Variants in AGAP1 observed in about 807,000 individuals in gnomAD.
AGAP1 encodes the protein ArfGAP with GTPase domain, ankyrin repeat and PH domain 1, also known as arf-GAP with GTPase, ANK repeat and PH domain-containing protein 1.
In AGAP1, 29 loss-of-function variants were observed where a neutral mutation model predicts 105.3. That is an observed-to-expected ratio of 0.28 (90% CI 0.21 to 0.38). The LOEUF is 0.38. AGAP1 is among the 10% of genes least tolerant of loss of function. AGAP1 has a pLI of 1.00. For missense variants in AGAP1, 998 were observed against 1,165.1 expected (o/e 0.86, Z 2.09); for synonymous variants, 509 against 485.9 (o/e 1.05, Z -0.63).
chr2:236,068,508 C>T (rs2058407570), intron 16 of AGAP1, among the ~76,000 whole-genome samples: 1 of 151,934 alleles, frequency 6.6e-6, no homozygotes, highest in Admixed American at 6.6e-5. Context: ...CTTCTCTTAA[C>T]ATTTATCCTA....
chr2:236,081,793 T>C (rs1559257063), intron 16 of AGAP1, among the ~76,000 whole-genome samples: 1 of 152,056 alleles, frequency 6.6e-6, no homozygotes, highest in Non-Finnish European at 1.5e-5. Context: ...AAAAATGTCA[T>C]TATCCAGAAA....
chr2:235,712,002 A>G lies in AGAP1; in HGVS notation c.222+2765A>G, dbSNP rs888610950. On this transcript the variant is annotated intron_variant, in intron 2 of 17. Coordinates refer to ENST00000304032, the MANE Select transcript of AGAP1 (RefSeq NM_001037131.3). This position sits in a 1 kb window ranked among gnomAD's most constrained non-coding sequence, Gnocchi z 6.0. The stretch of plus-strand genomic sequence containing the variant: ...TCGCTTTCTTCTCAAGAGTGGTAGT[A>G]CCATGCCTTATGTTTTATTTTCTTT... Among the ~76,000 whole-genome samples the G allele has an allele frequency of 6.6e-6, 1 of 152,060 alleles. No homozygotes were observed. The highest frequency in any genetic ancestry group is 1.5e-5 in the Non-Finnish European group (1 of 68,020).
chr2:235,871,188 G>T (rs1349345199), intron 9 of AGAP1, among the ~76,000 whole-genome samples: 7 of 152,320 alleles, frequency 4.6e-5, no homozygotes, highest in Admixed American at 4.6e-4. Flanking sequence ...TTACTCAAGG[G>T]TTTTCTGCTG....
intron 16 of AGAP1, among the ~76,000 whole-genome samples, chr2:236,057,551 GC>G (rs967543168): frequency 4.0e-5 from 6 of 151,264 alleles, no homozygotes; most frequent in East Asian, 1.9e-4. Context: ...CAGGGTTAGA[GC>G]CCCCCCCTCA....
chr2:235,790,590 A>G (rs747966085), intron 6 of AGAP1, among the ~76,000 whole-genome samples: 1 of 152,024 alleles, frequency 6.6e-6, no homozygotes, highest in Non-Finnish European at 1.5e-5. Context: ...ATAACCCCCC[A>G]TTGCCTTAAG....
intron 13 of AGAP1, among the ~76,000 whole-genome samples, chr2:235,986,281 G>C (rs746042331): frequency 6.6e-6 from 1 of 151,944 alleles, no homozygotes; most frequent in East Asian, 1.9e-4. Context: ...GCTTATTGTT[G>C]GTGTAAAGGA....
intron 1 of AGAP1, among the ~76,000 whole-genome samples, chr2:235,641,847 A>T (rs943247461): frequency 6.6e-6 from 1 of 152,188 alleles, no homozygotes; most frequent in African/African-American, 2.4e-5. Context: ...CACAGGTATG[A>T]CCTGATTCCA....
chr2:235,676,822 A>C (rs1401419364), intron 1 of AGAP1, among the ~76,000 whole-genome samples: 2 of 152,216 alleles, frequency 1.3e-5, no homozygotes, highest in African/African-American at 2.4e-5. Context: ...ATAATGAAAA[A>C]AAGTTATAGT....
Position 235,614,159 on chromosome 2 carries a change from ACAGGCAAGGTCTTTGGCCT to A in AGAP1, c.164-95015_164-94997del, listed in dbSNP as rs1946232395. 6.6e-6 allele frequency among the ~76,000 whole-genome samples: 1 copy of A among 152,274 alleles called. No homozygotes were observed. Among genetic ancestry groups the A allele is most frequent in the South Asian group, 2.1e-4 (1 of 4,818 alleles). On this transcript the variant is annotated intron_variant, in intron 1 of 17. Transcript: ENST00000304032. The surrounding 1 kb of genome is among the most constrained non-coding windows in gnomAD (Gnocchi z 4.7). ...ACCCTACTGGTGCTGGTGAGCAGAA[ACAGGCAAGGTCTTTGGCCT>A]CAGGGGGTCCTTGGAGTCTAGAAGG...
Position 235,788,303 on chromosome 2 carries a change from A to G in AGAP1, c.674-9456A>G, listed in dbSNP as rs1424082201. Among the ~76,000 whole-genome samples, 2 of 152,212 alleles carry G rather than the reference A, an allele frequency of 1.3e-5. No homozygotes were observed. Among genetic ancestry groups the G allele is most frequent in the East Asian group, 1.9e-4 (1 of 5,190 alleles). On this transcript the variant is annotated intron_variant, in intron 6 of 17. Transcript: ENST00000304032. The surrounding 1 kb of genome is among the most constrained non-coding windows in gnomAD (Gnocchi z 6.0). Reference sequence around the variant, plus strand: ...GTACAAACTCCTAATCCCTAAGGATAGGAAAAGACCTAGAAGATTTGAGGA... The same window carrying G: ...GTACAAACTCCTAATCCCTAAGGATGGGAAAAGACCTAGAAGATTTGAGGA...
At chr2:235,915,797 A>G (rs1207442901) in intron 11 of AGAP1, among the ~76,000 whole-genome samples, 1 of 152,252 alleles carries the variant, frequency 6.6e-6, no homozygotes, top group Non-Finnish European at 1.5e-5. Flanking sequence ...TGGTAGTCAA[A>G]GATGTAACAG....
chr2:235,928,540 C>G (rs933235123), intron 11 of AGAP1, among the ~76,000 whole-genome samples: 1 of 152,176 alleles, frequency 6.6e-6, no homozygotes, highest in Non-Finnish European at 1.5e-5. Flanking sequence ...CAGTGAGAAG[C>G]TAGAAGGTGC....
chr2:235,558,974 G>A lies in AGAP1; in HGVS notation c.163+64125G>A, dbSNP rs534422933. Among the ~76,000 whole-genome samples, 10 of 152,208 alleles carry A rather than the reference G, an allele frequency of 6.6e-5. No homozygotes were observed. In the South Asian group the frequency reaches 2.1e-3, roughly 32 times the overall value. ...GTCTCGCTGTGTGTCCTAGGCCGGA[G>A]TACGGTGGTGTGATCTCTGCTCACT... is the stretch of plus-strand genomic sequence containing the variant. On this transcript the variant is annotated intron_variant, in intron 1 of 17. Coordinates refer to ENST00000304032, the MANE Select transcript of AGAP1 (RefSeq NM_001037131.3).
At chr2:236,034,864 A>G (rs1300919891) in intron 13 of AGAP1, among the ~76,000 whole-genome samples, 2 of 152,164 alleles carry the variant, frequency 1.3e-5, no homozygotes, top group Non-Finnish European at 2.9e-5. Flanking sequence ...GGTGGAGGCC[A>G]TGGGCCCTCT....
intron 9 of AGAP1, among the ~76,000 whole-genome samples, chr2:235,836,987 G>T (rs1269672946): frequency 2.6e-5 from 4 of 152,112 alleles, no homozygotes; most frequent in South Asian, 2.1e-4. Context: ...GGTTGGGGGG[G>T]TTGTGGGAGG....
chr2:235,563,279 G>A (rs1006000074), intron 1 of AGAP1, among the ~76,000 whole-genome samples: 4 of 151,880 alleles, frequency 2.6e-5, no homozygotes, highest in Non-Finnish European at 4.4e-5. Context: ...TTTCCGTCCT[G>A]CCCCCCTTTG....
At chr2:235,499,091 T>C (rs1218264403) in intron 1 of AGAP1, among the ~76,000 whole-genome samples, 1 of 152,190 alleles carries the variant, frequency 6.6e-6, no homozygotes, top group East Asian at 1.9e-4. Context: ...GACGCACTGC[T>C]GAGGCCAGAA....
At chr2:235,715,476 G>A (rs1951056289) in intron 2 of AGAP1, among the ~76,000 whole-genome samples, 1 of 152,150 alleles carries the variant, frequency 6.6e-6, no homozygotes, top group Non-Finnish European at 1.5e-5. Flanking sequence ...AAGGGGAGGG[G>A]TGCTCAGGTG....
chr2:235,504,965 A>G lies in AGAP1; in HGVS notation c.163+10116A>G, dbSNP rs143822084. On this transcript the variant is annotated intron_variant, in intron 1 of 17. Coordinates refer to ENST00000304032, the MANE Select transcript of AGAP1 (RefSeq NM_001037131.3). ...AAATCCCTCACCAGGAAGAGGGCGC[A>G]GTTCCTCTGGGACTGGAACAGGGGC... Among the ~76,000 whole-genome samples the G allele has an allele frequency of 1.6e-4, 24 of 152,284 alleles. No homozygotes were observed. The East Asian group carries it at 4.3e-3, about 27-fold the overall frequency.
Sources: gnomAD v4.1 joint callset for allele counts (sites outside exome capture counted in the v4.1 genomes callset) on GRCh38, gnomAD v4.1.1 for gene constraint, Gnocchi (gnomAD v3.1) non-coding constraint, MANE v1.5 for transcripts, NCBI Gene and HGNC (gene_info 2026-07-23, HGNC 2026-07-21) for gene names.